SCML4: variants seen among roughly 807,000 people sequenced by gnomAD.
SCML4 encodes sex comb on midleg-like protein 4.
A neutral mutation model predicts 41.1 loss-of-function variants in SCML4; 34 were observed. The observed-to-expected ratio is 0.83, with a 90% CI of 0.63 to 1.10. The LOEUF (loss-of-function observed/expected upper bound fraction) is 1.10. Ranked by LOEUF, SCML4 falls within the 50% of genes least tolerant of loss-of-function variation. The probability of loss-of-function intolerance (pLI) is 0.00; values close to 1 mark genes in which losing one functional copy is unlikely to be tolerated. For synonymous variants in SCML4, 214 were observed against 220.9 expected (o/e 0.97, Z 0.28); for missense variants, 522 against 534.1 (o/e 0.98, Z 0.22).
intron 1 of SCML4, among the ~76,000 whole-genome samples, chr6:107,822,508 CTTTTTT>C (rs10677944): frequency 7.2e-6 from 1 of 137,998 alleles, no homozygotes; most frequent in African/African-American, 2.9e-5. Context: ...TTTTTCTTTT[CTTTTTT>C]TTTTTTTGCA....
chr6:107,765,175 T>G (rs11759477), intron 2 of SCML4, among the ~76,000 whole-genome samples: 20,355 of 152,180 alleles, frequency 0.13, 1,778 homozygotes, highest in African/African-American at 0.25. Flanking sequence ...TGTCAAGAAC[T>G]GCTTGGTGTG....
At chr6:107,761,919 G>C (rs1268404776) in intron 2 of SCML4, among the ~76,000 whole-genome samples, 3 of 151,574 alleles carry the variant, frequency 2.0e-5, no homozygotes, top group Non-Finnish European at 4.4e-5. Flanking sequence ...TTTTACTTCA[G>C]GCAAAATGAC....
chr6:107,759,583 T>C (rs1314946756), intron 2 of SCML4, among the ~76,000 whole-genome samples: 1 of 152,144 alleles, frequency 6.6e-6, no homozygotes, highest in Non-Finnish European at 1.5e-5. Context: ...AATATCTACA[T>C]CTATTCACAA....
At chr6:107,717,290 CAAAAAAA>C (rs11449697) in intron 6 of SCML4, among the ~76,000 whole-genome samples, 4 of 119,130 alleles carry the variant, frequency 3.4e-5, no homozygotes, top group Non-Finnish European at 6.9e-5. Context: ...GACTCTGTCT[CAAAAAAA>C]AAAAAAAAAA....
chr6:107,840,035 T>C, the SCML4 span, among the ~76,000 whole-genome samples: 1 of 152,232 alleles, frequency 6.6e-6, no homozygotes, highest in Non-Finnish European at 1.5e-5. Flanking sequence ...AATTTGTTAT[T>C]ATATATGCTT....
upstream of SCML4, among the ~76,000 whole-genome samples, chr6:107,829,239 A>C (rs951151434): frequency 1.3e-5 from 2 of 152,078 alleles, no homozygotes; most frequent in Non-Finnish European, 2.9e-5. Flanking sequence ...GAAAAAAATT[A>C]ACCAGGCATG....
intron 1 of SCML4, among the ~76,000 whole-genome samples, chr6:107,773,274 G>T (rs149105844): frequency 2.6e-5 from 4 of 152,172 alleles, no homozygotes; most frequent in Non-Finnish European, 5.9e-5. Flanking sequence ...AATAATCTTA[G>T]CATGGCACTA....
intron 1 of SCML4, among the ~76,000 whole-genome samples, chr6:107,809,909 A>T (rs6933190): frequency 1.6e-3 from 243 of 151,946 alleles, no homozygotes; most frequent in African/African-American, 5.5e-3. Flanking sequence ...AGGTGGGAGG[A>T]TTGCCTATTT....
rs561070641 is a variant in SCML4, at chr6:107,748,822, G to A, written c.286+862C>T. On this transcript the variant is annotated intron_variant, in intron 3 of 7. Transcript: ENST00000369020. ...AGAGCCCATCTGGGGGACCCTGGCA[G>A]GAAAGTTCGTGAGGACCTTCTGGGG... Among the ~76,000 whole-genome samples, 8 of 152,316 alleles carry A rather than the reference G, an allele frequency of 5.3e-5. 1 individual carries two copies. The highest frequency in any genetic ancestry group is 1.4e-4 in the African/African-American group (6 of 41,580).
intron 1 of SCML4, among the ~76,000 whole-genome samples, chr6:107,807,621 A>G (rs74943503): frequency 0.05 from 7,594 of 152,276 alleles, 640 homozygotes; most frequent in African/African-American, 0.17. Flanking sequence ...GTCCCATTAC[A>G]ATGTTATTGT....
At chr6:107,803,438 C>G (rs1783437442) in intron 1 of SCML4, among the ~76,000 whole-genome samples, 1 of 149,758 alleles carries the variant, frequency 6.7e-6, no homozygotes, top group African/African-American at 2.5e-5. Context: ...GGGGGTCAGC[C>G]CCCCGCCCGG....
At chr6:107,827,450 A>G (rs994950359), upstream of SCML4, among the ~76,000 whole-genome samples, 8 of 151,688 alleles carry the variant, frequency 5.3e-5, no homozygotes, top group Non-Finnish European at 7.4e-5. Context: ...CCAGGAACAT[A>G]GCTTTTAATA....
intron 5 of SCML4, chr6:107,739,915 G>A (rs1777430880): frequency 2.8e-6 from 1 of 358,332 alleles, no homozygotes; most frequent in Non-Finnish European, 5.4e-6. Context: ...TGCCATCGCT[G>A]CTTCCTCCAC....
At chr6:107,809,664 AGGAGAAG>A (rs1784013234) in intron 1 of SCML4, among the ~76,000 whole-genome samples, 3 of 152,230 alleles carry the variant, frequency 2.0e-5, no homozygotes, top group Admixed American at 2.0e-4. Context: ...GACAGAATAA[AGGAGAAG>A]GGGAAGATAT....
At chr6:107,720,581 T>G in intron 6 of SCML4, 122 bp downstream of exon 6, 1 of 1,433,864 alleles carries the variant, frequency 7.0e-7, no homozygotes. Context: ...TTGTGGAAAT[T>G]TCTGATCTCC....
At chr6:107,705,613 A>G (rs542846434) in intron 7 of SCML4, among the ~76,000 whole-genome samples, 2 of 152,268 alleles carry the variant, frequency 1.3e-5, no homozygotes, top group South Asian at 4.2e-4. Flanking sequence ...TGTTCCCAAT[A>G]TCCCACTTAG....
At chr6:107,807,210 C>G (rs1197103862) in intron 1 of SCML4, among the ~76,000 whole-genome samples, 2 of 152,068 alleles carry the variant, frequency 1.3e-5, no homozygotes, top group African/African-American at 4.8e-5. Context: ...TTACAAAATG[C>G]TTTGGGATCC....
intron 2 of SCML4, among the ~76,000 whole-genome samples, chr6:107,758,609 G>A (rs979753178): frequency 6.6e-6 from 1 of 152,120 alleles, no homozygotes; most frequent in Non-Finnish European, 1.5e-5. Context: ...GTGCTTATAA[G>A]ATGAAAAAAA....
At chr6:107,721,031 G>A in intron 5 of SCML4, 38 bp from the exon 6 acceptor site, 1 of 1,555,566 alleles carries the variant, frequency 6.4e-7, no homozygotes, top group Non-Finnish European at 8.7e-7. Flanking sequence ...AGATATCAGA[G>A]AGCAGTTCAG....
Sources: allele counts gnomAD v4.1 joint callset (sites outside exome capture counted in the v4.1 genomes callset), GRCh38; gene constraint gnomAD v4.1.1; transcripts MANE v1.5; gene names NCBI Gene and HGNC (gene_info 2026-07-23, HGNC 2026-07-21).